HSDL1: variants seen among roughly 807,000 people sequenced by gnomAD.
HSDL1 encodes the protein inactive hydroxysteroid dehydrogenase-like protein 1.
In HSDL1, 29 loss-of-function variants were observed where a neutral mutation model predicts 31.5. That is an observed-to-expected ratio of 0.92 (90% CI 0.69 to 1.26). The LOEUF (loss-of-function observed/expected upper bound fraction) is 1.26. Ranked by LOEUF, HSDL1 falls within the 50% of genes most tolerant of loss-of-function variation. The pLI is 0.00. For missense variants in HSDL1, 503 were observed against 416.6 expected, an observed-to-expected ratio of 1.21 and a Z score of -1.81; for synonymous variants, 222 against 155.2, an observed-to-expected ratio of 1.43 and a Z score of -3.20.
intron 1 of HSDL1, among the ~76,000 whole-genome samples, chr16:84,141,999 C>G (rs528146559): frequency 6.6e-6 from 1 of 152,340 alleles, no homozygotes; most frequent in South Asian, 2.1e-4. Context: ...ATGATCACAG[C>G]TCACTGCAAC....
At chr16:84,135,725 C>A (rs555232032) in intron 1 of HSDL1, 120 bp from the exon 2 acceptor site, 16 of 152,248 alleles carry the variant, frequency 1.1e-4, no homozygotes, top group Non-Finnish European at 2.4e-4. Context: ...ACAATTCTTA[C>A]GCCATGAATC....
intron 1 of HSDL1, among the ~76,000 whole-genome samples, chr16:84,144,815 G>C (rs2086826542): frequency 6.6e-6 from 1 of 150,594 alleles, no homozygotes; most frequent in Non-Finnish European, 1.5e-5. Context: ...CGGGGGAAGG[G>C]GGGCTCTGAG....
intron 3 of HSDL1, chr16:84,130,888 G>C (rs1413242144): frequency 1.8e-6 from 1 of 550,630 alleles, no homozygotes; most frequent in Non-Finnish European, 3.2e-6. Flanking sequence ...GGGAACAGGA[G>C]AGAGCAGAAT....
intron 5 of HSDL1, among the ~76,000 whole-genome samples, chr16:84,126,654 C>G (rs1045950803): frequency 1.3e-5 from 2 of 152,186 alleles, no homozygotes; most frequent in Admixed American, 1.3e-4. Flanking sequence ...TTGAACTGAA[C>G]TGATGAATGA....
chr16:84,131,170 T>C lies in HSDL1; in HGVS notation c.152A>G (p.His51Arg), dbSNP rs777973226. 7.9e-5 allele frequency: 127 copies of C among 1,614,072 alleles called. No individual in the cohort carries two copies. Among genetic ancestry groups the C allele is most frequent in the Non-Finnish European group, 1.0e-4 (123 of 1,180,048 alleles). Residue 51 changes from histidine to arginine, a missense_variant, in exon 3 of 6, where the codon CAT becomes CGT. Transcript: ENST00000219439. Reference sequence around the variant, plus strand: ...TCTGCTCCCCAGGCGGGGGATAAAATGCAGCCTGATCAGGCTGTAAAAGTC... The same window carrying C: ...TCTGCTCCCCAGGCGGGGGATAAAACGCAGCCTGATCAGGCTGTAAAAGTC... ...ICDFYSLIRL[H>R]FIPRLGSRAD...
chr16:84,123,646 C>A lies in HSDL1; in HGVS notation c.*984G>T, dbSNP rs1427063098. 6.6e-6 allele frequency: 1 copy of A among 152,538 alleles called. No individual in the cohort carries two copies. The highest frequency in any genetic ancestry group is 1.5e-5 in the Non-Finnish European group (1 of 68,028). The allele number at this position is 152,538 out of a possible 1,614,324, so 9.4% of individuals were successfully genotyped here. A position where few individuals can be genotyped will look rare whatever the true frequency, so the allele number is the denominator to read the frequency against. ...TATTTTACTATTCCATAAATACTTACTATTTCTATCAATAATGCTACTGGA... is the reference window on the plus strand; with the variant it reads ...TATTTTACTATTCCATAAATACTTAATATTTCTATCAATAATGCTACTGGA... On this transcript the variant is annotated 3_prime_UTR_variant, in exon 6 of 6. Coordinates refer to ENST00000219439, the MANE Select transcript of HSDL1 (RefSeq NM_031463.5).
At position 84,129,733 on chromosome 16, in the gene HSDL1, C is replaced by T; in HGVS notation, c.709G>A (p.Ala237Thr). The T allele has an allele frequency of 1.9e-6, 3 of 1,614,162 alleles. No homozygotes were observed. Among genetic ancestry groups the T allele is most frequent in the Non-Finnish European group, 2.5e-6 (3 of 1,180,016 alleles). ...CTCTGTACAAAGATTCCTTTAGAGGCATATTCATATTGCAAGGCTCTGCTG... is the reference window on the plus strand; with the variant it reads ...CTCTGTACAAAGATTCCTTTAGAGGTATATTCATATTGCAAGGCTCTGCTG... Reference protein sequence around the residue: ...HFSRALQYEYASKGIFVQSLI... With the variant: ...HFSRALQYEYTSKGIFVQSLI... The change falls in exon 5 of 6, where the codon GCC (alanine) becomes ACC (threonine). Residue 237 changes from alanine to threonine, a missense_variant. Physicochemically the swap from Ala to Thr is moderately conservative, Grantham distance 58 (BLOSUM62 0). Transcript: ENST00000219439.
chr16:84,129,653 G>A lies in HSDL1; in HGVS notation c.789C>T (p.His263=), dbSNP rs932571200. 8.1e-6 allele frequency: 13 copies of A among 1,614,070 alleles called. No individual in the cohort carries two copies. The highest frequency in any genetic ancestry group is 9.3e-6 in the Non-Finnish European group (11 of 1,180,016). ...TSMTAPSNFL[H]RCSWLVPSPK... ...GCGAAGGCACCAACCACGAGCACCT[G>A]TGCAGAAAGTTGCTGGGTGCTGTCA... Residue 263 remains histidine (H), a synonymous_variant, in exon 5 of 6, where the codon CAC becomes CAT. Transcript: ENST00000219439.
intron 2 of HSDL1, among the ~76,000 whole-genome samples, chr16:84,132,288 G>C (rs1020304567): frequency 1.3e-5 from 2 of 152,210 alleles, no homozygotes; most frequent in African/African-American, 4.8e-5. Context: ...AGATGAAACA[G>C]AGGTGGCACT....
At chr16:84,131,019 A>G in intron 3 of HSDL1, 83 bp downstream of exon 3, 1 of 1,118,710 alleles carries the variant, frequency 8.9e-7, no homozygotes, top group Non-Finnish European at 1.3e-6. Context: ...GTTCCCATAA[A>G]AACACCACAT....
intron 2 of HSDL1, among the ~76,000 whole-genome samples, chr16:84,133,469 G>A (rs1259768355): frequency 2.6e-5 from 4 of 152,202 alleles, no homozygotes; most frequent in Non-Finnish European, 5.9e-5. Context: ...AGCCGGGCGC[G>A]GTGGCTCATG....
At position 84,122,826 on chromosome 16, in the gene HSDL1, G is replaced by A. The variant is rs1323371100; in HGVS notation, c.*1804C>T. 1 of 152,234 alleles carries A rather than the reference G, an allele frequency of 6.6e-6. No homozygotes were observed. The highest frequency in any genetic ancestry group is 6.5e-5 in the Admixed American group (1 of 15,278). 9.4% of individuals were successfully genotyped at this position (152,234 alleles called of 1,614,324 possible). A position where few individuals can be genotyped will look rare whatever the true frequency, so the allele number is the denominator to read the frequency against. ...GCACCACATTTGCACCAATCAGCAT[G>A]TTTGCCCATGTCCTGCCAAGGAGAG... On this transcript the variant is annotated 3_prime_UTR_variant, in exon 6 of 6. Transcript: ENST00000219439.
At position 84,130,271 on chromosome 16, in the gene HSDL1, G is replaced by A; in HGVS notation, c.381C>T (p.Ser127=). ...TTGGAAGGTAGATCTCACGACCGCT[G>A]CTGAAGTCCGCAACTATAATATCAG... ...VETDIIVADF[S]SGREIYLPIR... The change falls in exon 4 of 6, where the codon AGC becomes AGT. Residue 127 remains serine, a synonymous_variant. Coordinates refer to ENST00000219439, the MANE Select transcript of HSDL1 (RefSeq NM_031463.5). The A allele has an allele frequency of 6.2e-7, 1 of 1,614,196 alleles. No homozygotes were observed. Among genetic ancestry groups the A allele is most frequent in the Non-Finnish European group, 8.5e-7 (1 of 1,180,046 alleles).
chr16:84,136,750 C>T (rs1396174771), intron 1 of HSDL1, among the ~76,000 whole-genome samples: 1 of 152,186 alleles, frequency 6.6e-6, no homozygotes, highest in Non-Finnish European at 1.5e-5. Context: ...TGTGCAAGTA[C>T]CTTAAACGTG....
intron 1 of HSDL1, among the ~76,000 whole-genome samples, chr16:84,143,212 A>G (rs1173525062): frequency 6.6e-6 from 1 of 152,228 alleles, no homozygotes; most frequent in Non-Finnish European, 1.5e-5. Context: ...GTCCATCAAC[A>G]AATGAATGAA....
Position 84,124,501 on chromosome 16 carries a change from A to G in HSDL1, c.*129T>C. 2 of 654,962 alleles carry G rather than the reference A, an allele frequency of 3.1e-6. No homozygotes were observed. Among genetic ancestry groups the G allele is most frequent in the Non-Finnish European group, 5.6e-6 (2 of 358,142 alleles). The allele number at this position is 654,962 out of a possible 1,614,324, so 40.6% of individuals were successfully genotyped here. On this transcript the variant is annotated 3_prime_UTR_variant, in exon 6 of 6. Coordinates refer to ENST00000219439, the MANE Select transcript of HSDL1 (RefSeq NM_031463.5). ...CTGACGGTATTATGTGTGTTTTGCA[A>G]ATGACGAATCAACAGTATGCTGAAT...
intron 1 of HSDL1, among the ~76,000 whole-genome samples, chr16:84,142,644 C>A (rs1417684351): frequency 1.3e-5 from 2 of 151,804 alleles, no homozygotes; most frequent in Non-Finnish European, 2.9e-5. Flanking sequence ...GGGGGTTTCA[C>A]CATATTGGCC....
chr16:84,143,172 C>T (rs1274730562), intron 1 of HSDL1, among the ~76,000 whole-genome samples: 1 of 152,184 alleles, frequency 6.6e-6, no homozygotes, highest in Non-Finnish European at 1.5e-5. Context: ...GGCCTACTCA[C>T]AACTGCCAGA....
chr16:84,130,310 C>G lies in HSDL1; in HGVS notation c.342G>C (p.Thr114=), dbSNP rs771354571. Residue 114 remains threonine (T), a synonymous_variant, in exon 4 of 6, where the codon ACG becomes ACC. Coordinates refer to ENST00000219439, the MANE Select transcript of HSDL1 (RefSeq NM_031463.5). ...LQVVAKDIAD[T]YKVETDIIVA... ...CTATAATATCAGTTTCCACTTTGTA[C>G]GTGTCGGCTATGTCTTTAGCAACAA... 1.9e-6 allele frequency: 3 copies of G among 1,614,222 alleles called. No homozygotes were observed. Among genetic ancestry groups the G allele is most frequent in the African/African-American group, 1.3e-5 (1 of 75,046 alleles).
Sources: allele counts gnomAD v4.1 joint callset (sites outside exome capture counted in the v4.1 genomes callset), GRCh38; gene constraint gnomAD v4.1.1; transcripts MANE v1.5; gene names NCBI Gene and HGNC (gene_info 2026-07-23, HGNC 2026-07-21).